Variants in CNTN5 observed in about 807,000 individuals in gnomAD.
CNTN5 encodes the protein contactin 5, also known as contactin-5.
CNTN5 carries 77 observed loss-of-function variants against 129.1 expected under a neutral mutation model. The ratio of observed to expected loss-of-function variants is 0.60; its 90% confidence interval spans 0.50 to 0.72. CNTN5 has a LOEUF of 0.72. Ranked by LOEUF, CNTN5 falls within the 30% of genes least tolerant of loss-of-function variation. The pLI is 0.00. For synonymous variants in CNTN5, 509 were observed against 465.6 expected, an observed-to-expected ratio of 1.09 and a Z score of -1.20; for missense variants, 1,478 against 1,328.8, an observed-to-expected ratio of 1.11 and a Z score of -1.75.
At chr11:99,404,958 T>G (rs1187660713) in intron 2 of CNTN5, among the ~76,000 whole-genome samples, 1 of 152,172 alleles carries the variant, frequency 6.6e-6, no homozygotes, top group East Asian at 1.9e-4. Flanking sequence ...TTTATGTCTC[T>G]CTCATGTTTG....
At chr11:100,180,869 G>GAAAAC (rs1438831531) in intron 13 of CNTN5, among the ~76,000 whole-genome samples, 2 of 151,898 alleles carry the variant, frequency 1.3e-5, no homozygotes, top group African/African-American at 4.8e-5. Context: ...ATTACAATCA[G>GAAAAC]AAAACAAAAC....
intron 13 of CNTN5, among the ~76,000 whole-genome samples, chr11:100,127,750 C>T (rs1946242179): frequency 6.9e-6 from 1 of 144,678 alleles, no homozygotes; most frequent in Admixed American, 7.4e-5. Flanking sequence ...CCTCCGCCTT[C>T]CAGGTTCAAG....
chr11:99,538,305 G>T (rs1218508814), intron 2 of CNTN5, among the ~76,000 whole-genome samples: 1 of 152,058 alleles, frequency 6.6e-6, no homozygotes, highest in Non-Finnish European at 1.5e-5. Flanking sequence ...ATTTACAGTG[G>T]TTTATTTAGT....
chr11:99,193,806 C>A (rs535146935), intron 1 of CNTN5, among the ~76,000 whole-genome samples: 1 of 152,202 alleles, frequency 6.6e-6, no homozygotes, highest in East Asian at 1.9e-4. Context: ...ATCAAACTAC[C>A]CTTTGGAAAC....
At chr11:100,020,060 A>G (rs1380950309) in intron 9 of CNTN5, among the ~76,000 whole-genome samples, 1 of 151,922 alleles carries the variant, frequency 6.6e-6, no homozygotes, top group African/African-American at 2.4e-5. Flanking sequence ...TATGATTTGC[A>G]AATATTTTCT....
intron 3 of CNTN5, among the ~76,000 whole-genome samples, chr11:99,791,645 C>A (rs1418553298): frequency 1.3e-5 from 2 of 152,066 alleles, no homozygotes; most frequent in Non-Finnish European, 2.9e-5. Flanking sequence ...TTTTTGAATT[C>A]TGAGAAGAAT....
intron 6 of CNTN5, among the ~76,000 whole-genome samples, chr11:99,892,545 G>A (rs984628931): frequency 6.6e-6 from 1 of 152,122 alleles, no homozygotes; most frequent in Non-Finnish European, 1.5e-5. Context: ...TTCTGCATAT[G>A]GCTAGCCAGT....
At chr11:99,601,492 G>C (rs2726378) in intron 3 of CNTN5, among the ~76,000 whole-genome samples, 1 of 152,062 alleles carries the variant, frequency 6.6e-6, no homozygotes, top group South Asian at 2.1e-4. Context: ...ACTTTGCCTA[G>C]AAATATCCCT....
At position 99,971,311 on chromosome 11, in the gene CNTN5, A is replaced by G. The variant is rs561312200; in HGVS notation, c.877+14302A>G. Among the ~76,000 whole-genome samples, 532 of 151,770 alleles carry G rather than the reference A, an allele frequency of 3.5e-3. 3 individuals carry two copies. Among genetic ancestry groups the G allele is most frequent in the African/African-American group, 0.012 (482 of 41,178 alleles). On this transcript the variant is annotated intron_variant, in intron 8 of 24. Transcript: ENST00000524871. ...TGTAATCCCAGCACTTTGGGAGGCC[A>G]GGGCAGGTGGATCATGAGGTCAGGA...
At chr11:99,107,781 A>C (rs1446767560) in intron 1 of CNTN5, among the ~76,000 whole-genome samples, 1 of 151,714 alleles carries the variant, frequency 6.6e-6, no homozygotes, top group African/African-American at 2.4e-5. Context: ...AATACAAAAA[A>C]TTAGCCGGGC....
intron 1 of CNTN5, among the ~76,000 whole-genome samples, chr11:99,219,302 C>T (rs7112651): frequency 0.73 from 110,855 of 151,594 alleles, 40,859 homozygotes; most frequent in East Asian, 0.99. Context: ...GTAATAAAGC[C>T]AAAAGTAAGA....
chr11:99,099,740 C>A (rs990860836), intron 1 of CNTN5, among the ~76,000 whole-genome samples: 1 of 152,080 alleles, frequency 6.6e-6, no homozygotes, highest in African/African-American at 2.4e-5. Context: ...GGATAATAAG[C>A]CTTTCCTAAA....
chr11:100,125,447 A>G (rs546313497), intron 13 of CNTN5, among the ~76,000 whole-genome samples: 1 of 152,144 alleles, frequency 6.6e-6, no homozygotes, highest in African/African-American at 2.4e-5. Flanking sequence ...TCGTTAATTC[A>G]CTTAGTATAA....
chr11:99,631,388 T>A (rs2135802889), intron 3 of CNTN5, among the ~76,000 whole-genome samples: 2 of 152,168 alleles, frequency 1.3e-5, no homozygotes, highest in East Asian at 3.9e-4. Flanking sequence ...GAGTGCACTT[T>A]CAGGGTACTT....
At chr11:100,263,961 A>G (rs932600580) in intron 17 of CNTN5, among the ~76,000 whole-genome samples, 1 of 152,124 alleles carries the variant, frequency 6.6e-6, no homozygotes, top group African/African-American at 2.4e-5. Flanking sequence ...TCCAGTACCT[A>G]TCTTCTACCT....
chr11:100,236,436 T>C (rs1004174477), intron 16 of CNTN5, among the ~76,000 whole-genome samples: 1 of 152,184 alleles, frequency 6.6e-6, no homozygotes, highest in Non-Finnish European at 1.5e-5. Flanking sequence ...AAATTTTGAC[T>C]TGCAGAGATT....
chr11:100,255,757 T>A lies in CNTN5; in HGVS notation c.2006-3T>A. 1 of 1,613,448 alleles carries A rather than the reference T, an allele frequency of 6.2e-7. No homozygotes were observed. Among genetic ancestry groups the A allele is most frequent in the Non-Finnish European group, 8.5e-7 (1 of 1,179,514 alleles). On this transcript the variant is annotated splice_polypyrimidine_tract_variant and splice_region_variant and intron_variant, in intron 16 of 24. Coordinates refer to ENST00000524871, the MANE Select transcript of CNTN5 (RefSeq NM_014361.4). ...AACTTTATCCATTGCCTTTGACCTATAGGACCCCCAGGCCCACCTGGGATA... is the reference window on the plus strand; with the variant it reads ...AACTTTATCCATTGCCTTTGACCTAAAGGACCCCCAGGCCCACCTGGGATA...
chr11:99,168,646 T>C (rs1861001763), intron 1 of CNTN5, among the ~76,000 whole-genome samples: 1 of 151,836 alleles, frequency 6.6e-6, no homozygotes, highest in Admixed American at 6.6e-5. Context: ...TCTGAATATA[T>C]CGTAACTACC....
intron 1 of CNTN5, among the ~76,000 whole-genome samples, chr11:99,068,445 G>T (rs1257379937): frequency 6.6e-6 from 1 of 152,176 alleles, no homozygotes. Flanking sequence ...GTCTAGAGTA[G>T]AGAAAGATAG....
Sources: allele counts gnomAD v4.1 joint callset (sites outside exome capture counted in the v4.1 genomes callset), GRCh38; gene constraint gnomAD v4.1.1; transcripts MANE v1.5; gene names NCBI Gene and HGNC (gene_info 2026-07-23, HGNC 2026-07-21).